TRPM6: variants seen among roughly 807,000 people sequenced by gnomAD.
TRPM6 encodes the protein transient receptor potential cation channel subfamily M member 6, also known as channel kinase 2.
A neutral mutation model predicts 247.6 loss-of-function variants in TRPM6; 111 were observed. The ratio of observed to expected loss-of-function variants is 0.45; its 90% CI spans 0.38 to 0.52. TRPM6 has a LOEUF of 0.52. Ranked by LOEUF, TRPM6 falls within the 20% of genes least tolerant of loss-of-function variation. TRPM6 has a pLI of 0.00. For missense variants in TRPM6, 2,126 were observed against 2,421.5 expected, an observed-to-expected ratio of 0.88 and a Z score of 2.56; for synonymous variants, 892 against 853.8, an observed-to-expected ratio of 1.04 and a Z score of -0.78.
intron 1 of TRPM6, chr9:74,887,128 A>G: frequency 3.0e-6 from 2 of 667,488 alleles, no homozygotes; most frequent in Non-Finnish European, 4.3e-6. Context: ...CTGTTGCGCC[A>G]TATGCCAGCG....
intron 21 of TRPM6, among the ~76,000 whole-genome samples, chr9:74,784,819 A>G (rs999706966): frequency 2.0e-5 from 3 of 152,196 alleles, no homozygotes; most frequent in African/African-American, 7.2e-5. Context: ...TTCTATAAAT[A>G]ATTCCAAGAT....
chr9:74,760,019 C>T (rs1390143908), intron 27 of TRPM6, among the ~76,000 whole-genome samples: 1 of 152,212 alleles, frequency 6.6e-6, no homozygotes, highest in East Asian at 1.9e-4. Context: ...TGACAGACCA[C>T]TAATACAACG....
rs1003771193 is a variant in TRPM6 at position 74,851,775 on chromosome 9, T to A, written c.152+3752A>T. ...AAAAAAAAAAAAAAATATATATATA[T>A]AATACATATATATATAATATATATA... On this transcript the variant is annotated intron_variant, in intron 3 of 38. Coordinates refer to ENST00000360774, the MANE Select transcript of TRPM6 (RefSeq NM_017662.5). Among the ~76,000 whole-genome samples, 214 of 139,762 alleles carry A rather than the reference T, an allele frequency of 1.5e-3. 2 individuals carry two copies. The highest frequency in any genetic ancestry group is 5.1e-3 in the African/African-American group (197 of 38,908). The allele number at this position is 139,762 out of a possible 152,430, so 91.7% of individuals were successfully genotyped here.
At chr9:74,833,802 G>T (rs1216634410) in intron 6 of TRPM6, among the ~76,000 whole-genome samples, 196 bp downstream of exon 6, 4 of 152,162 alleles carry the variant, frequency 2.6e-5, no homozygotes, top group Non-Finnish European at 5.9e-5. Flanking sequence ...TTAGTCCAAG[G>T]CTTTTGACTT....
intron 5 of TRPM6, among the ~76,000 whole-genome samples, chr9:74,837,393 GC>G (rs1249017637): frequency 6.6e-6 from 1 of 152,208 alleles, no homozygotes. Flanking sequence ...AAGTAGCCAG[GC>G]CATAGAGGAG....
At position 74,795,864 on chromosome 9, in the gene TRPM6, C is replaced by T. The variant is rs150357634; in HGVS notation, c.2391+877G>A. Among the ~76,000 whole-genome samples the T allele has an allele frequency of 1.9e-3, 287 of 152,290 alleles. 5 individuals carry two copies. Among genetic ancestry groups the T allele is most frequent in the African/African-American group, 6.6e-3 (273 of 41,554 alleles). ...CAGTGAGTAAATGCAGTATTTGATGCTATACAGCTTCAGCTCCAGAATAAT... is the reference window on the plus strand; with the variant it reads ...CAGTGAGTAAATGCAGTATTTGATGTTATACAGCTTCAGCTCCAGAATAAT... On this transcript the variant is annotated intron_variant, in intron 18 of 38. Coordinates refer to ENST00000360774, the MANE Select transcript of TRPM6 (RefSeq NM_017662.5).
intron 19 of TRPM6, among the ~76,000 whole-genome samples, chr9:74,790,006 A>ATATGTGTG (rs111383078): frequency 2.3e-5 from 3 of 132,816 alleles, no homozygotes; most frequent in Non-Finnish European, 3.1e-5. Context: ...TGAGAGAAAA[A>ATATGTGTG]TGTGTGTGTG....
intron 27 of TRPM6, among the ~76,000 whole-genome samples, chr9:74,760,456 T>A (rs1426984627): frequency 2.6e-5 from 4 of 152,176 alleles, no homozygotes; most frequent in African/African-American, 9.7e-5. Flanking sequence ...TTAGACCATC[T>A]AGGTTTGTGT....
intron 5 of TRPM6, among the ~76,000 whole-genome samples, chr9:74,834,556 T>C (rs1414135323): frequency 1.3e-5 from 2 of 152,094 alleles, no homozygotes; most frequent in Non-Finnish European, 2.9e-5. Context: ...GTTGGTTTGC[T>C]GCACCCATTA....
At chr9:74,775,788 C>G in intron 24 of TRPM6, 95 bp downstream of exon 24, 4 of 1,269,424 alleles carry the variant, frequency 3.2e-6, no homozygotes, top group Non-Finnish European at 4.6e-6. Context: ...CAGAGCCCCA[C>G]AGTGCCCTGA....
chr9:74,731,593 T>A (rs1192449790), intron 37 of TRPM6, among the ~76,000 whole-genome samples: 2 of 151,504 alleles, frequency 1.3e-5, no homozygotes, highest in African/African-American at 4.8e-5. Context: ...ATTAAATCAC[T>A]CAGTAAAATA....
At chr9:74,861,353 G>T (rs551265393) in intron 1 of TRPM6, among the ~76,000 whole-genome samples, 1 of 152,274 alleles carries the variant, frequency 6.6e-6, no homozygotes, top group East Asian at 1.9e-4. Flanking sequence ...AAACAGATAA[G>T]AAACTGATAT....
At position 74,849,457 on chromosome 9, in the gene TRPM6, G is replaced by A. The variant is rs773231261; in HGVS notation, c.152+6070C>T. Among the ~76,000 whole-genome samples the A allele has an allele frequency of 1.6e-4, 24 of 152,148 alleles. No individual in the cohort carries two copies. The Middle Eastern group carries it at 0.017, about 108-fold the overall frequency. ...AGAAGGAGAGATCCCCAGGATGTGT[G>A]CACACAGAGAAAAACCATCTGAAGA... is the stretch of plus-strand genomic sequence containing the variant. On this transcript the variant is annotated intron_variant, in intron 3 of 38. Transcript: ENST00000360774.
At chr9:74,841,115 CTT>C (rs1829923812) in intron 4 of TRPM6, among the ~76,000 whole-genome samples, 1 of 152,218 alleles carries the variant, frequency 6.6e-6, no homozygotes, top group East Asian at 1.9e-4. Context: ...TCTGAAAACA[CTT>C]TTGTTCTGAA....
At chr9:74,839,892 A>AGGAC (rs1309586006) in intron 5 of TRPM6, 132 bp downstream of exon 5, 4 of 210,764 alleles carry the variant, frequency 1.9e-5, no homozygotes, top group East Asian at 1.2e-4. Flanking sequence ...GAAGGAAGGA[A>AGGAC]GGAGGGAGGG....
chr9:74,776,141 T>A (rs886501888), intron 23 of TRPM6, 65 bp from the exon 24 acceptor site: 1 of 1,424,920 alleles, frequency 7.0e-7, no homozygotes, highest in African/African-American at 1.4e-5. Context: ...ACAGAGTCTA[T>A]ATTTTCCAAC....
chr9:74,809,133 C>T (rs559055101), intron 13 of TRPM6, among the ~76,000 whole-genome samples: 2 of 152,024 alleles, frequency 1.3e-5, no homozygotes, highest in East Asian at 1.9e-4. Context: ...GGGTTCAGTT[C>T]GAGACCACCA....
intron 9 of TRPM6, among the ~76,000 whole-genome samples, chr9:74,817,338 C>T (rs777204988): frequency 1.2e-4 from 18 of 152,110 alleles, no homozygotes; most frequent in Non-Finnish European, 2.1e-4. Flanking sequence ...GAAACTAAGA[C>T]TTTTGCTTTT....
chr9:74,744,391 C>T (rs1007564498), intron 31 of TRPM6, among the ~76,000 whole-genome samples: 1 of 151,962 alleles, frequency 6.6e-6, no homozygotes, highest in Non-Finnish European at 1.5e-5. Context: ...GTAATATTAG[C>T]CTCAAAGATG....
Sources: gnomAD v4.1 joint callset for allele counts (sites outside exome capture counted in the v4.1 genomes callset) on GRCh38, gnomAD v4.1.1 for gene constraint, MANE v1.5 for transcripts, NCBI Gene and HGNC (gene_info 2026-07-23, HGNC 2026-07-21) for gene names.